The following SH3RF3 variants were observed in gnomAD, a reference collection of about 807,000 sequenced individuals.
SH3RF3 encodes the protein E3 ubiquitin-protein ligase SH3RF3.
Under a neutral mutation model 66.3 loss-of-function variants are expected in SH3RF3, and 29 were observed. The observed-to-expected ratio is 0.44, with a 90% confidence interval of 0.33 to 0.60. SH3RF3 has a LOEUF of 0.60. SH3RF3 is among the 20% of genes least tolerant of loss of function. The pLI is 0.04. For missense variants in SH3RF3, 1,194 were observed against 1,190.9 expected (o/e 1.00, Z -0.04); for synonymous variants, 583 against 532.0 (o/e 1.10, Z -1.32).
intron 1 of SH3RF3, among the ~76,000 whole-genome samples, chr2:109,203,587 G>A (rs1168058683): frequency 6.6e-6 from 1 of 152,064 alleles, no homozygotes; most frequent in Non-Finnish European, 1.5e-5. Flanking sequence ...CAGCTCTCTG[G>A]AACACTGTTC....
At chr2:109,177,312 C>T (rs1677943378) in intron 1 of SH3RF3, among the ~76,000 whole-genome samples, 2 of 152,112 alleles carry the variant, frequency 1.3e-5, no homozygotes, top group South Asian at 4.1e-4. Context: ...TGGTGATTTT[C>T]TTTTATATCT....
chr2:109,418,510 C>G (rs1350970550), intron 4 of SH3RF3, among the ~76,000 whole-genome samples: 2 of 152,118 alleles, frequency 1.3e-5, no homozygotes, highest in Non-Finnish European at 2.9e-5. Context: ...CTTGTGGATG[C>G]ATCACTCCTG....
Position 109,491,032 on chromosome 2 carries a change from G to A in SH3RF3, c.2480+96G>A, listed in dbSNP as rs529094582. 7.0e-3 allele frequency: 8,499 copies of A among 1,209,604 alleles called. 38 individuals are homozygous for A. The highest frequency in any genetic ancestry group is 8.6e-3 in the Non-Finnish European group (7,894 of 919,542). 74.9% of individuals were successfully genotyped at this position (1,209,604 alleles called of 1,614,324 possible). ...GGAGCAGGGACACTGTGGCCTTGCT[G>A]GGATTAGGTTTACCAGATGTACCTC... is the stretch of plus-strand genomic sequence containing the variant. On this transcript the variant is annotated intron_variant, in intron 9 of 9. Transcript: ENST00000309415.
At chr2:109,337,995 G>C (rs1665781201) in intron 1 of SH3RF3, among the ~76,000 whole-genome samples, 1 of 152,144 alleles carries the variant, frequency 6.6e-6, no homozygotes, top group Admixed American at 6.5e-5. Flanking sequence ...GCCTCCCAAA[G>C]TGTTGGGATT....
chr2:109,384,362 G>T (rs1018490593), intron 3 of SH3RF3, among the ~76,000 whole-genome samples: 2 of 152,156 alleles, frequency 1.3e-5, no homozygotes, highest in Non-Finnish European at 2.9e-5. Context: ...GGAGGGAACT[G>T]CAGTTTTCCT....
At chr2:109,369,245 G>C (rs2105669546) in intron 2 of SH3RF3, among the ~76,000 whole-genome samples, 1 of 152,122 alleles carries the variant, frequency 6.6e-6, no homozygotes, top group South Asian at 2.1e-4. Flanking sequence ...CTACTCTAGA[G>C]GCTGAGGCAG....
At chr2:109,362,986 AG>A (rs1574598296) in intron 2 of SH3RF3, among the ~76,000 whole-genome samples, 1 of 152,104 alleles carries the variant, frequency 6.6e-6, no homozygotes, top group East Asian at 1.9e-4. Context: ...AACAACATAT[AG>A]TTGTATCTTG....
rs576868581 is a variant in SH3RF3, at chr2:109,441,466, C to G, written c.1828+4320C>G. ...TTGCTGAAGAAAAAATATTTGTAAA[C>G]TTGAAGATATAGTAATAGAAGCCGT... On this transcript the variant is annotated intron_variant, in intron 7 of 9. Coordinates refer to ENST00000309415, the MANE Select transcript of SH3RF3 (RefSeq NM_001099289.3). 4.4e-4 allele frequency among the ~76,000 whole-genome samples: 67 copies of G among 151,674 alleles called. 1 individual carries two copies. In the South Asian group the frequency reaches 0.012, roughly 28 times the overall value.
At chr2:109,163,180 G>A (rs1444206741) in intron 1 of SH3RF3, among the ~76,000 whole-genome samples, 3 of 152,190 alleles carry the variant, frequency 2.0e-5, no homozygotes, top group East Asian at 1.9e-4. Flanking sequence ...GCTCACCCCC[G>A]AGGCGGGAAT....
intron 8 of SH3RF3, among the ~76,000 whole-genome samples, chr2:109,476,869 C>CT (rs1421478081): frequency 2.6e-5 from 4 of 152,180 alleles, no homozygotes; most frequent in African/African-American, 9.6e-5. Context: ...GGGTAACTTC[C>CT]TGACATTGCT....
At chr2:109,403,583 C>T (rs73955576) in intron 4 of SH3RF3, among the ~76,000 whole-genome samples, 3,108 of 152,334 alleles carry the variant, frequency 0.02, 64 homozygotes, top group African/African-American at 0.049. Flanking sequence ...AAAGGAGACA[C>T]GCAGGAGAAT....
At chr2:109,348,443 A>G (rs923297642) in intron 2 of SH3RF3, among the ~76,000 whole-genome samples, 3 of 152,204 alleles carry the variant, frequency 2.0e-5, no homozygotes, top group Non-Finnish European at 2.9e-5. Flanking sequence ...AGGCAGGGCC[A>G]CCCTGGTGCG....
At chr2:109,242,402 C>CA (rs1386765320) in intron 1 of SH3RF3, among the ~76,000 whole-genome samples, 1 of 152,156 alleles carries the variant, frequency 6.6e-6, no homozygotes, top group East Asian at 1.9e-4. Flanking sequence ...TGCAGATGGT[C>CA]ACACCCATAG....
chr2:109,466,072 C>CTTTTTTTTTTTT (rs1171998206), intron 8 of SH3RF3, among the ~76,000 whole-genome samples: 5 of 82,334 alleles, frequency 6.1e-5, no homozygotes, highest in Non-Finnish European at 8.9e-5. Flanking sequence ...ACCTGTACAT[C>CTTTTTTTTTTTT]TTTTTTTTTT....
intron 1 of SH3RF3, among the ~76,000 whole-genome samples, chr2:109,332,990 C>G (rs769581537): frequency 2.0e-5 from 3 of 152,208 alleles, no homozygotes; most frequent in Admixed American, 6.5e-5. Flanking sequence ...AGAAGACAGC[C>G]TAGCCTGCTG....
At chr2:109,369,835 C>G (rs1313436955) in intron 2 of SH3RF3, among the ~76,000 whole-genome samples, 1 of 152,222 alleles carries the variant, frequency 6.6e-6, no homozygotes, top group Admixed American at 6.5e-5. Context: ...ATTTCTTAGA[C>G]CCCACCAGCC....
At chr2:109,501,425 C>A in intron 9 of SH3RF3, 78 bp from the exon 10 acceptor site, 1 of 648,052 alleles carries the variant, frequency 1.5e-6, no homozygotes, top group South Asian at 1.8e-5. Flanking sequence ...ATAATTTACA[C>A]CGAGGGAAGA....
chr2:109,383,676 C>T (rs1675752705), intron 3 of SH3RF3, among the ~76,000 whole-genome samples: 1 of 152,114 alleles, frequency 6.6e-6, no homozygotes, highest in Non-Finnish European at 1.5e-5. Flanking sequence ...AGCACTGATT[C>T]CAGCTTCATT....
At chr2:109,162,157 T>A (rs1299182352) in intron 1 of SH3RF3, among the ~76,000 whole-genome samples, 2 of 152,192 alleles carry the variant, frequency 1.3e-5, no homozygotes, top group Non-Finnish European at 2.9e-5. Context: ...GGCTCTAACA[T>A]TGACCTGGAA....
Sources: gnomAD v4.1 joint callset for allele counts (sites outside exome capture counted in the v4.1 genomes callset) on GRCh38, gnomAD v4.1.1 for gene constraint, MANE v1.5 for transcripts, NCBI Gene and HGNC (gene_info 2026-07-23, HGNC 2026-07-21) for gene names.